MAPKAP1: variants seen among roughly 807,000 people sequenced by gnomAD.
MAPKAP1 encodes target of rapamycin complex 2 subunit MAPKAP1.
Under a neutral mutation model 65.7 loss-of-function variants are expected in MAPKAP1, and 20 were observed. The ratio of observed to expected loss-of-function variants is 0.30; its 90% CI spans 0.21 to 0.44. MAPKAP1 has a LOEUF of 0.44. Among genes scored for constraint, MAPKAP1 ranks in the 20% least tolerant of loss-of-function variants. The pLI is 1.00. For missense variants in MAPKAP1, 423 were observed against 648.0 expected, an observed-to-expected ratio of 0.65 and a Z score of 3.77; for synonymous variants, 222 against 244.3, an observed-to-expected ratio of 0.91 and a Z score of 0.85.
Position 125,706,480 on chromosome 9 carries a change from C to T in MAPKAP1, c.-70+491G>A, listed in dbSNP as rs28696996. 6.4e-3 allele frequency among the ~76,000 whole-genome samples: 980 copies of T among 151,960 alleles called. 12 individuals carry two copies. The highest frequency in any genetic ancestry group is 0.023 in the African/African-American group (937 of 41,404). On this transcript the variant is annotated intron_variant, in intron 1 of 11. Transcript: ENST00000265960. ...TACGCTACAATCTCTTTTTCCCAGC[C>T]TTAAACAAATCTAAATGACTCCTTG...
At chr9:125,465,227 C>T (rs1300211272) in intron 10 of MAPKAP1, among the ~76,000 whole-genome samples, 2 of 152,150 alleles carry the variant, frequency 1.3e-5, no homozygotes, top group Non-Finnish European at 2.9e-5. Flanking sequence ...TTCAAGAAGG[C>T]CCCAAGAACA....
At chr9:125,451,504 C>A (rs1485060243) in intron 10 of MAPKAP1, among the ~76,000 whole-genome samples, 3 of 152,148 alleles carry the variant, frequency 2.0e-5, no homozygotes, top group Non-Finnish European at 4.4e-5. Context: ...GTGGCCTATA[C>A]CTTTCTCCAG....
chr9:125,699,881 C>G (rs1282748092), intron 1 of MAPKAP1, among the ~76,000 whole-genome samples: 2 of 152,176 alleles, frequency 1.3e-5, no homozygotes, highest in Admixed American at 6.5e-5. Context: ...TCCCAAAGTG[C>G]TGGGATTAAA....
intron 1 of MAPKAP1, among the ~76,000 whole-genome samples, chr9:125,690,311 A>G (rs996103032): frequency 1.3e-5 from 2 of 152,256 alleles, no homozygotes; most frequent in African/African-American, 4.8e-5. Flanking sequence ...TGCTTAAAAC[A>G]AAAACATCAG....
At chr9:125,482,131 TAAAAAA>T (rs1554808939) in intron 9 of MAPKAP1, among the ~76,000 whole-genome samples, 1 of 99,116 alleles carries the variant, frequency 1.0e-5, no homozygotes, top group African/African-American at 4.6e-5. Flanking sequence ...AAACTCTGTC[TAAAAAA>T]AAAAAAAAAA....
At chr9:125,697,417 ATTTCT>A (rs1411705422) in intron 1 of MAPKAP1, among the ~76,000 whole-genome samples, 15 of 152,124 alleles carry the variant, frequency 9.9e-5, no homozygotes, top group Non-Finnish European at 1.3e-4. Context: ...CTCACCACCT[ATTTCT>A]TTTCTTTGCA....
At chr9:125,699,800 A>C (rs1378211201) in intron 1 of MAPKAP1, among the ~76,000 whole-genome samples, 1 of 151,948 alleles carries the variant, frequency 6.6e-6, no homozygotes, top group Middle Eastern at 3.2e-3. Flanking sequence ...ATTTTTGTAG[A>C]GACAGGGTTT....
chr9:125,482,967 A>C (rs1186858386), intron 9 of MAPKAP1, among the ~76,000 whole-genome samples: 1 of 152,192 alleles, frequency 6.6e-6, no homozygotes, highest in East Asian at 1.9e-4. Context: ...CTTTGTTTTT[A>C]CAGATAAGGA....
At chr9:125,606,519 C>CCTAT (rs1832443099) in intron 4 of MAPKAP1, among the ~76,000 whole-genome samples, 1 of 152,130 alleles carries the variant, frequency 6.6e-6, no homozygotes, top group Non-Finnish European at 1.5e-5. Context: ...GATTTTAGCC[C>CCTAT]CTATCTTCAA....
chr9:125,565,234 C>A (rs905254030), intron 5 of MAPKAP1: 1 of 152,002 alleles, frequency 6.6e-6, no homozygotes, highest in African/African-American at 2.4e-5. Flanking sequence ...TGTTCAAAGG[C>A]CAGTATAGCT....
intron 7 of MAPKAP1, among the ~76,000 whole-genome samples, chr9:125,540,919 CCT>C (rs761822196): frequency 3.9e-5 from 6 of 152,138 alleles, no homozygotes; most frequent in Non-Finnish European, 5.9e-5. Flanking sequence ...CAAGATGTAC[CCT>C]GCCTTTACCA....
At chr9:125,533,877 T>G (rs747239361) in intron 7 of MAPKAP1, among the ~76,000 whole-genome samples, 4 of 152,262 alleles carry the variant, frequency 2.6e-5, no homozygotes, top group Non-Finnish European at 5.9e-5. Context: ...GATTGTTCAC[T>G]GCATGTTTTT....
rs144692028 is a variant in MAPKAP1, at chr9:125,602,979, T to A, written c.499-17252A>T. Among the ~76,000 whole-genome samples the A allele has an allele frequency of 6.2e-3, 944 of 152,238 alleles. 17 individuals are homozygous for A. Among genetic ancestry groups the A allele is most frequent in the African/African-American group, 0.022 (908 of 41,546 alleles). On this transcript the variant is annotated intron_variant, in intron 4 of 11. Coordinates refer to ENST00000265960, the MANE Select transcript of MAPKAP1 (RefSeq NM_001006617.3). Reference sequence around the variant, plus strand: ...GTGTAAACATGGCTCACTGCATACTTGACCTCCTAAACTCAGGCAATCCTC... The same window carrying A: ...GTGTAAACATGGCTCACTGCATACTAGACCTCCTAAACTCAGGCAATCCTC...
At chr9:125,492,300 C>T (rs1854765803) in intron 8 of MAPKAP1, among the ~76,000 whole-genome samples, 2 of 152,158 alleles carry the variant, frequency 1.3e-5, no homozygotes, top group South Asian at 4.1e-4. Flanking sequence ...TTGAGAACTG[C>T]TGACTTTATT....
chr9:125,502,166 A>G (rs1331522005), intron 8 of MAPKAP1, among the ~76,000 whole-genome samples: 1 of 149,786 alleles, frequency 6.7e-6, no homozygotes, highest in East Asian at 2.0e-4. Flanking sequence ...TAGTGGCATG[A>G]TCTCAGCTCA....
chr9:125,656,172 CT>C (rs1236680340), intron 4 of MAPKAP1, among the ~76,000 whole-genome samples: 1 of 152,308 alleles, frequency 6.6e-6, no homozygotes, highest in East Asian at 1.9e-4. Flanking sequence ...TAAATTCCAA[CT>C]GCTTACCCTA....
chr9:125,693,592 T>TAC (rs1050749444), intron 1 of MAPKAP1, among the ~76,000 whole-genome samples: 4 of 149,664 alleles, frequency 2.7e-5, no homozygotes, highest in Non-Finnish European at 5.9e-5. Context: ...TATACACGTA[T>TAC]ACACACACAC....
At chr9:125,535,622 G>A (rs1830052851) in intron 7 of MAPKAP1, among the ~76,000 whole-genome samples, 1 of 152,108 alleles carries the variant, frequency 6.6e-6, no homozygotes, top group Non-Finnish European at 1.5e-5. Context: ...GGAAAGCGAG[G>A]CTTAGAGAGG....
chr9:125,698,302 T>TAA (rs1193034214), intron 1 of MAPKAP1, among the ~76,000 whole-genome samples: 7 of 21,856 alleles, frequency 3.2e-4, no homozygotes, highest in Non-Finnish European at 6.0e-4. Flanking sequence ...TATATATATA[T>TAA]ATATATATAT....
Sources: allele counts gnomAD v4.1 joint callset (sites outside exome capture counted in the v4.1 genomes callset), GRCh38; gene constraint gnomAD v4.1.1; transcripts MANE v1.5; gene names NCBI Gene and HGNC (gene_info 2026-07-23, HGNC 2026-07-21).